The following AP2B1 variants were observed in gnomAD, a reference collection of about 807,000 sequenced individuals.
AP2B1 encodes the protein AP-2 complex subunit beta.
A neutral mutation model predicts 102.0 loss-of-function variants in AP2B1; 23 were observed. That is an observed-to-expected ratio of 0.23 (90% CI 0.16 to 0.32). AP2B1 has a LOEUF of 0.32. Ranked by LOEUF, AP2B1 falls within the 10% of genes least tolerant of loss-of-function variation. The pLI is 1.00. For synonymous variants in AP2B1, 381 were observed against 421.2 expected, an observed-to-expected ratio of 0.90 and a Z score of 1.17; for missense variants, 541 against 1,157.4, an observed-to-expected ratio of 0.47 and a Z score of 7.73.
chr17:35,682,214 C>A (rs1369417271), intron 17 of AP2B1, among the ~76,000 whole-genome samples: 1 of 149,946 alleles, frequency 6.7e-6, no homozygotes, highest in African/African-American at 2.5e-5. Context: ...GAGCTGAAAT[C>A]ATGCCACTTT....
In AP2B1 at chr17:35,626,858, A is replaced by C; in HGVS notation, c.938+16A>C. 1 of 1,606,520 alleles carries C rather than the reference A, an allele frequency of 6.2e-7. No homozygotes were observed. The highest frequency in any genetic ancestry group is 8.5e-7 in the Non-Finnish European group (1 of 1,173,276). ...TCCAGAAAAGGTTGGGAAATAGCGA[A>C]GTGTTGATTAAAGTGTTTGTAATTT... On this transcript the variant is annotated intron_variant, in intron 7 of 21. Coordinates refer to ENST00000610402, the MANE Select transcript of AP2B1 (RefSeq NM_001030006.2).
intron 6 of AP2B1, among the ~76,000 whole-genome samples, chr17:35,625,787 T>G (rs758837749): frequency 1.3e-5 from 2 of 152,096 alleles, no homozygotes; most frequent in Non-Finnish European, 2.9e-5. Context: ...TATTTTCTTT[T>G]TAAAGGATGG....
intron 20 of AP2B1, among the ~76,000 whole-genome samples, chr17:35,711,421 A>C (rs2076445436): frequency 6.6e-6 from 1 of 151,680 alleles, no homozygotes; most frequent in Non-Finnish European, 1.5e-5. Context: ...AAAAAAAAAA[A>C]AAAACACACA....
chr17:35,689,296 C>T (rs1033725560), intron 18 of AP2B1, among the ~76,000 whole-genome samples: 2 of 152,150 alleles, frequency 1.3e-5, no homozygotes, highest in Admixed American at 6.5e-5. Context: ...TCTCTTGCCT[C>T]GGCCTCCCGA....
chr17:35,705,523 AT>A (rs772976486), intron 18 of AP2B1, among the ~76,000 whole-genome samples: 21 of 147,330 alleles, frequency 1.4e-4, no homozygotes, highest in East Asian at 2.0e-4. Flanking sequence ...GCAGAGTGAA[AT>A]TTTTTTTTTT....
At chr17:35,590,800 T>C (rs945277043) in intron 1 of AP2B1, among the ~76,000 whole-genome samples, 1 of 152,146 alleles carries the variant, frequency 6.6e-6, no homozygotes, top group Non-Finnish European at 1.5e-5. Context: ...ACATTGAAAT[T>C]GTTAGGGGAG....
At chr17:35,617,900 G>A (rs939469667) in intron 5 of AP2B1, among the ~76,000 whole-genome samples, 1 of 152,174 alleles carries the variant, frequency 6.6e-6, no homozygotes, top group Non-Finnish European at 1.5e-5. Flanking sequence ...ATATTTATTT[G>A]TAGTGTTTTG....
chr17:35,703,232 TCCAGCCTGGGTGACAGA>T (rs1352681049), intron 18 of AP2B1, among the ~76,000 whole-genome samples: 2 of 123,802 alleles, frequency 1.6e-5, no homozygotes, highest in African/African-American at 6.5e-5. Flanking sequence ...GCCACTGCAC[TCCAGCCTGGGTGACAGA>T]GCCAGACTCC....
intron 5 of AP2B1, among the ~76,000 whole-genome samples, chr17:35,611,048 C>CT (rs1199671015): frequency 6.6e-6 from 1 of 152,050 alleles, no homozygotes; most frequent in African/African-American, 2.4e-5. Flanking sequence ...GCATTATAGC[C>CT]TGAGTGACAA....
At chr17:35,605,946 A>G (rs1359474382) in intron 4 of AP2B1, 106 bp downstream of exon 4, 4 of 1,502,400 alleles carry the variant, frequency 2.7e-6, no homozygotes, top group Non-Finnish European at 3.5e-6. Flanking sequence ...AGGAATGTTC[A>G]TGTTTTAAGC....
At chr17:35,670,782 G>T in intron 14 of AP2B1, 75 bp from the exon 15 acceptor site, 1 of 1,465,778 alleles carries the variant, frequency 6.8e-7, no homozygotes. Context: ...GCAATTTACA[G>T]ATTCTATATG....
At chr17:35,616,789 C>T (rs17606150) in intron 5 of AP2B1, among the ~76,000 whole-genome samples, 11,112 of 152,252 alleles carry the variant, frequency 0.073, 464 homozygotes, top group Middle Eastern at 0.11. Context: ...TGCTTTACAA[C>T]CATGAAATGG....
At chr17:35,677,201 G>T (rs1325320369) in intron 17 of AP2B1, among the ~76,000 whole-genome samples, 1 of 152,202 alleles carries the variant, frequency 6.6e-6, no homozygotes, top group Non-Finnish European at 1.5e-5. Flanking sequence ...TGTTGCTCCA[G>T]TTGGTCTCAA....
intron 18 of AP2B1, among the ~76,000 whole-genome samples, chr17:35,707,414 G>T (rs1420486328): frequency 6.6e-6 from 1 of 150,690 alleles, no homozygotes; most frequent in African/African-American, 2.4e-5. Context: ...GCCTCCCAAA[G>T]TGCTGGGATT....
intron 3 of AP2B1, 110 bp downstream of exon 3, chr17:35,598,445 G>A (rs2073364842): frequency 4.9e-6 from 3 of 609,056 alleles, no homozygotes; most frequent in African/African-American, 3.7e-5. Flanking sequence ...TCTAAGAATG[G>A]GTTTGTCCCA....
chr17:35,679,975 G>A (rs2075782489), intron 17 of AP2B1, among the ~76,000 whole-genome samples: 1 of 149,170 alleles, frequency 6.7e-6, no homozygotes. Flanking sequence ...TGCCCAGGCT[G>A]CAGTGCATTG....
In AP2B1 at chr17:35,726,244, G is replaced by A. The variant is rs1397629340; in HGVS notation, c.*2545G>A. ...TCACCCAAGCCTGCTCTGTGTCTGT[G>A]TTGTGAAGCTTGAGACTCTGGAAAG... On this transcript the variant is annotated 3_prime_UTR_variant, in exon 22 of 22. Coordinates refer to ENST00000610402, the MANE Select transcript of AP2B1 (RefSeq NM_001030006.2). 2.7e-5 allele frequency: 4 copies of A among 150,080 alleles called. No individual in the cohort carries two copies. Among genetic ancestry groups the A allele is most frequent in the Non-Finnish European group, 5.9e-5 (4 of 67,696 alleles). The allele number at this position is 150,080 out of a possible 1,614,324, so 9.3% of individuals were successfully genotyped here.
chr17:35,667,855 C>T (rs1467638703), intron 14 of AP2B1, among the ~76,000 whole-genome samples: 1 of 151,614 alleles, frequency 6.6e-6, no homozygotes, highest in South Asian at 2.1e-4. Flanking sequence ...ATCAGAAAGT[C>T]GAAAACCACC....
At position 35,722,262 on chromosome 17, in the gene AP2B1, A is replaced by G. The variant is rs150859481; in HGVS notation, c.2782-1363A>G. Among the ~76,000 whole-genome samples the G allele has an allele frequency of 1.2e-4, 19 of 152,326 alleles. No individual in the cohort carries two copies. In the East Asian group the frequency reaches 3.1e-3, roughly 25 times the overall value. ...CTGTCTCAAAAAAAGAATTGCTTCA[A>G]TAGGGAGTTTGAAAGTCAGGGAAAT... On this transcript the variant is annotated intron_variant, in intron 21 of 21. Coordinates refer to ENST00000610402, the MANE Select transcript of AP2B1 (RefSeq NM_001030006.2).
Sources: gnomAD v4.1 joint callset for allele counts (sites outside exome capture counted in the v4.1 genomes callset) on GRCh38, gnomAD v4.1.1 for gene constraint, MANE v1.5 for transcripts, NCBI Gene and HGNC (gene_info 2026-07-23, HGNC 2026-07-21) for gene names.